ORC3: variants seen among roughly 807,000 people sequenced by gnomAD.
ORC3 encodes origin recognition complex subunit 3, also known as homolog of latheo, Drosophila.
In ORC3, 78 loss-of-function variants were observed where a neutral mutation model predicts 100.7. The observed-to-expected ratio is 0.77, with a 90% CI of 0.65 to 0.94. The LOEUF is 0.94. Ranked by LOEUF, ORC3 falls within the 40% of genes least tolerant of loss-of-function variation. ORC3 has a pLI of 0.00. For missense variants in ORC3, 789 were observed against 823.9 expected, an observed-to-expected ratio of 0.96 and a Z score of 0.52; for synonymous variants, 295 against 289.3, an observed-to-expected ratio of 1.02 and a Z score of -0.20.
At chr6:87,623,139 G>C (rs1183524690) in intron 11 of ORC3, among the ~76,000 whole-genome samples, 1 of 152,160 alleles carries the variant, frequency 6.6e-6, no homozygotes, top group Non-Finnish European at 1.5e-5. Context: ...AAAAATGTTA[G>C]ATTCTAGAGG....
chr6:87,625,170 C>G (rs996508814), intron 11 of ORC3, among the ~76,000 whole-genome samples: 1 of 152,098 alleles, frequency 6.6e-6, no homozygotes, highest in Non-Finnish European at 1.5e-5. Context: ...GTGCATGTGT[C>G]TTTGTAGTCG....
intron 13 of ORC3, among the ~76,000 whole-genome samples, chr6:87,650,537 T>G (rs1311587656): frequency 1.3e-5 from 2 of 152,184 alleles, no homozygotes; most frequent in Non-Finnish European, 2.9e-5. Context: ...ATTGATTCTG[T>G]GTGTGTATAA....
intron 7 of ORC3, among the ~76,000 whole-genome samples, chr6:87,611,325 G>A (rs538331240): frequency 9.9e-5 from 15 of 152,012 alleles, no homozygotes; most frequent in Non-Finnish European, 2.2e-4. Context: ...AGCATGCTTG[G>A]AAAGTACATA....
intron 13 of ORC3, chr6:87,651,009 A>G (rs1311422734): frequency 5.5e-6 from 2 of 364,668 alleles, no homozygotes; most frequent in Non-Finnish European, 1.1e-5. Flanking sequence ...CTGCGTCTCA[A>G]AGAAAAAACA....
At chr6:87,601,709 T>C in intron 2 of ORC3, 75 bp from the exon 3 acceptor site, 6 of 866,730 alleles carry the variant, frequency 6.9e-6, no homozygotes, top group Non-Finnish European at 1.1e-5. Flanking sequence ...ACTTACTGTG[T>C]AACTTTGCAC....
intron 14 of ORC3, among the ~76,000 whole-genome samples, chr6:87,656,133 A>G (rs999877590): frequency 6.6e-6 from 1 of 152,230 alleles, no homozygotes; most frequent in Non-Finnish European, 1.5e-5. Flanking sequence ...TCCCTTTGCT[A>G]AAGAACCATG....
intron 13 of ORC3, among the ~76,000 whole-genome samples, chr6:87,644,709 C>T (rs1261978758): frequency 6.6e-6 from 1 of 151,962 alleles, no homozygotes; most frequent in Non-Finnish European, 1.5e-5. Flanking sequence ...ATTAGCCTGG[C>T]GTGGTGGCGT....
intron 12 of ORC3, 47 bp downstream of exon 12, chr6:87,635,008 T>C: frequency 1.0e-6 from 1 of 992,594 alleles, no homozygotes; most frequent in Non-Finnish European, 1.6e-6. Context: ...GGAATGTTAG[T>C]ATTTTCTTGC....
At chr6:87,676,618 C>T in the ORC3 span, among the ~76,000 whole-genome samples, 1 of 107,772 alleles carries the variant, frequency 9.3e-6, no homozygotes, top group Non-Finnish European at 2.1e-5. Flanking sequence ...CACACACACA[C>T]ACACACACAA....
At chr6:87,606,120 G>A in intron 5 of ORC3, 99 bp downstream of exon 5, 1 of 722,148 alleles carries the variant, frequency 1.4e-6, no homozygotes. Context: ...TTTTTTGGTG[G>A]AAAGAACACA....
chr6:87,618,632 T>C lies in ORC3; in HGVS notation c.987+2205T>C, dbSNP rs1779329296. Among the ~76,000 whole-genome samples, 4 of 152,168 alleles carry C rather than the reference T, an allele frequency of 2.6e-5. No individual in the cohort carries two copies. The South Asian group carries it at 8.3e-4, about 32-fold the overall frequency. ...GGGGAAGAGAGATCTGTTAGAATGC[T>C]ATTGCAGTAATCTAGACAGGACATG... On this transcript the variant is annotated intron_variant, in intron 9 of 19. Coordinates refer to ENST00000392844, the MANE Select transcript of ORC3 (RefSeq NM_012381.4).
intron 13 of ORC3, among the ~76,000 whole-genome samples, chr6:87,648,053 T>G (rs1768940199): frequency 6.6e-6 from 1 of 152,034 alleles, no homozygotes. Context: ...TACAAAAAAT[T>G]AGCCAGGCAT....
chr6:87,607,634 G>A, intron 5 of ORC3, 39 bp from the exon 6 acceptor site: 1 of 1,501,816 alleles, frequency 6.7e-7, no homozygotes, highest in Non-Finnish European at 9.0e-7. Context: ...ATTTTTAGAA[G>A]AGGCAGAGAT....
chr6:87,624,817 A>G (rs1779776854), intron 11 of ORC3, among the ~76,000 whole-genome samples: 1 of 151,992 alleles, frequency 6.6e-6, no homozygotes, highest in African/African-American at 2.4e-5. Flanking sequence ...TACATTAGGT[A>G]TATCTCCTAA....
At chr6:87,664,932 T>C (rs2128296455) in intron 18 of ORC3, 73 bp downstream of exon 18, 1 of 864,322 alleles carries the variant, frequency 1.2e-6, no homozygotes, top group East Asian at 2.5e-5. Flanking sequence ...AATAGTTTTA[T>C]ACTTTTAGTG....
chr6:87,602,954 A>ATATATAT (rs1554236515), intron 3 of ORC3, among the ~76,000 whole-genome samples: 37 of 95,274 alleles, frequency 3.9e-4, no homozygotes, highest in African/African-American at 1.5e-3. Context: ...ACACATATAT[A>ATATATAT]ATATATATAT....
chr6:87,640,917 G>C (rs1336844827), intron 13 of ORC3, among the ~76,000 whole-genome samples: 1 of 152,158 alleles, frequency 6.6e-6, no homozygotes, highest in African/African-American at 2.4e-5. Flanking sequence ...AGACCAGCCT[G>C]ACCAACATGG....
chr6:87,667,234 AC>A lies in ORC3; in HGVS notation c.*116del. ...GTTTTGTTGAGAAGATAAATGTGTA[AC>A]CCCCATTGATGTTTAACCAGAAAAG... is the stretch of plus-strand genomic sequence containing the variant. On this transcript the variant is annotated 3_prime_UTR_variant, in exon 20 of 20. Transcript: ENST00000392844. The A allele has an allele frequency of 1.6e-6, 1 of 622,268 alleles. No individual in the cohort carries two copies. 38.5% of individuals were successfully genotyped at this position (622,268 alleles called of 1,614,324 possible). A position where few individuals can be genotyped will look rare whatever the true frequency, so the allele number is the denominator to read the frequency against.
intron 13 of ORC3, among the ~76,000 whole-genome samples, chr6:87,638,532 A>G (rs975731775): frequency 6.6e-6 from 1 of 152,250 alleles, no homozygotes; most frequent in Admixed American, 6.5e-5. Flanking sequence ...TTTTTATAAG[A>G]ATCAGCTTAA....
Sources: allele counts gnomAD v4.1 joint callset (sites outside exome capture counted in the v4.1 genomes callset), GRCh38; gene constraint gnomAD v4.1.1; transcripts MANE v1.5; gene names NCBI Gene and HGNC (gene_info 2026-07-23, HGNC 2026-07-21).